SVEP1: variants seen among roughly 807,000 people sequenced by gnomAD.
The protein encoded by SVEP1 is sushi, von Willebrand factor type A, EGF and pentraxin domain-containing protein 1.
In SVEP1, 164 loss-of-function variants were observed where a neutral mutation model predicts 367.3. That is an observed-to-expected ratio of 0.45 (90% CI 0.39 to 0.51). SVEP1 has a LOEUF of 0.51. SVEP1 is among the 20% of genes least tolerant of loss of function. The pLI, the probability that SVEP1 is intolerant of heterozygous loss-of-function variation, is 0.00. For missense variants in SVEP1, 4,117 were observed against 4,425.3 expected (o/e 0.93, Z 1.98); for synonymous variants, 1,666 against 1,611.6 (o/e 1.03, Z -0.81).
chr9:110,378,295 A>ACAT (rs1827383320), intron 44 of SVEP1, among the ~76,000 whole-genome samples: 1 of 152,166 alleles, frequency 6.6e-6, no homozygotes, highest in African/African-American at 2.4e-5. Context: ...ACATTCTCTT[A>ACAT]CATCCCATGT....
chr9:110,377,418 A>T (rs1827365491), intron 44 of SVEP1, 52 bp from the exon 45 acceptor site: 1 of 1,553,016 alleles, frequency 6.4e-7, no homozygotes, highest in African/African-American at 1.4e-5. Flanking sequence ...GAAGGGAAGG[A>T]GTCAGAAAAT....
At chr9:110,385,854 A>G in intron 43 of SVEP1, 44 bp downstream of exon 43, 1 of 1,581,604 alleles carries the variant, frequency 6.3e-7, no homozygotes. Context: ...ATGGGAAAAC[A>G]TTTCGCACTA....
intron 39 of SVEP1, 122 bp from the exon 40 acceptor site, chr9:110,401,131 T>G: frequency 1.7e-6 from 2 of 1,211,986 alleles, no homozygotes; most frequent in South Asian, 2.9e-5. Flanking sequence ...GCACCCAGGG[T>G]TTGGTCCTAC....
intron 41 of SVEP1, 46 bp downstream of exon 41, chr9:110,389,478 T>C: frequency 1.3e-6 from 2 of 1,598,056 alleles, no homozygotes; most frequent in Non-Finnish European, 1.7e-6. Flanking sequence ...TGTTATTTTG[T>C]GTCCTCAGTG....
At chr9:110,549,717 A>T in intron 2 of SVEP1, 132 bp downstream of exon 2, 1 of 1,152,584 alleles carries the variant, frequency 8.7e-7, no homozygotes, top group East Asian at 2.6e-5. Flanking sequence ...TGATGCCCAA[A>T]GGACACATGG....
At chr9:110,389,612 T>G (rs1178896432) in intron 40 of SVEP1, 25 bp from the exon 41 acceptor site, 10 of 1,612,496 alleles carry the variant, frequency 6.2e-6, no homozygotes, top group African/African-American at 1.3e-5. Flanking sequence ...AGAAAGGTCA[T>G]CAAGATCATA....
In SVEP1 at chr9:110,497,058, T is replaced by G. The variant is rs1313002677; in HGVS notation, c.1682-125A>C. 15 of 603,902 alleles carry G rather than the reference T, an allele frequency of 2.5e-5. 1 individual carries two copies. In the South Asian group the frequency reaches 3.8e-4, roughly 15 times the overall value. 37.4% of individuals were successfully genotyped at this position (603,902 alleles called of 1,614,324 possible). On this transcript the variant is annotated intron_variant, in intron 7 of 47. Coordinates refer to ENST00000374469, the MANE Select transcript of SVEP1 (RefSeq NM_153366.4). Reference sequence around the variant, plus strand: ...ACATTTGTACATCCCAGTTACTGATTGTTCGGAATCTGCACCCACCTGCTT... The same window carrying G: ...ACATTTGTACATCCCAGTTACTGATGGTTCGGAATCTGCACCCACCTGCTT...
At chr9:110,416,565 A>G (rs1051315703) in intron 36 of SVEP1, among the ~76,000 whole-genome samples, 7 of 152,006 alleles carry the variant, frequency 4.6e-5, no homozygotes, top group African/African-American at 1.7e-4. Flanking sequence ...ATAAAGATAT[A>G]AAAGAGAAAG....
chr9:110,461,181 C>T (rs1021338395), intron 18 of SVEP1, among the ~76,000 whole-genome samples: 2 of 152,096 alleles, frequency 1.3e-5, no homozygotes, highest in Non-Finnish European at 2.9e-5. Context: ...AAACATAAAA[C>T]AAGCTCGGGT....
chr9:110,403,640 TA>T (rs370083824), intron 39 of SVEP1, among the ~76,000 whole-genome samples: 5 of 151,556 alleles, frequency 3.3e-5, no homozygotes, highest in South Asian at 2.1e-4. Context: ...CAAAATTAGG[TA>T]AAAAAAATGT....
At chr9:110,498,644 T>C (rs1189939980) in intron 7 of SVEP1, among the ~76,000 whole-genome samples, 3 of 152,230 alleles carry the variant, frequency 2.0e-5, no homozygotes, top group African/African-American at 7.2e-5. Flanking sequence ...CGGTCTGCTC[T>C]TGTTGCAGAG....
intron 30 of SVEP1, among the ~76,000 whole-genome samples, chr9:110,432,991 G>A (rs1828374898): frequency 6.6e-6 from 1 of 152,152 alleles, no homozygotes; most frequent in Non-Finnish European, 1.5e-5. Context: ...GCTTGGTGCT[G>A]TCCTTGCAAT....
chr9:110,465,935 C>A lies in SVEP1; in HGVS notation c.3252G>T (p.Arg1084=), dbSNP rs965992669. 1.9e-6 allele frequency: 3 copies of A among 1,612,900 alleles called. No individual in the cohort carries two copies. The highest frequency in any genetic ancestry group is 2.5e-6 in the Non-Finnish European group (3 of 1,179,424). ...LGTYQPKFGS[R]SCLSCPENTS... is the part of the protein sequence containing the mutation. Reference sequence around the variant, plus strand: ...TGTTTTCTGGACACGAGAGGCAGCTCCGGGAACCAAATTTTGGCTGATAAG... The same window carrying A: ...TGTTTTCTGGACACGAGAGGCAGCTACGGGAACCAAATTTTGGCTGATAAG... Residue 1084 remains arginine (R), a synonymous_variant, in exon 18 of 48, where the codon CGG becomes CGT. Coordinates refer to ENST00000374469, the MANE Select transcript of SVEP1 (RefSeq NM_153366.4).
chr9:110,404,578 G>T, intron 38 of SVEP1, 26 bp from the exon 39 acceptor site: 1 of 1,598,546 alleles, frequency 6.3e-7, no homozygotes. Context: ...AAAAATGAGT[G>T]CCTTAAATGA....
chr9:110,370,773 A>T (rs966916870), intron 46 of SVEP1, among the ~76,000 whole-genome samples: 2 of 152,206 alleles, frequency 1.3e-5, no homozygotes, highest in African/African-American at 4.8e-5. Context: ...ATTTTTAGCA[A>T]GTGTAACATA....
chr9:110,413,592 C>A lies in SVEP1; in HGVS notation c.5976-1857G>T, dbSNP rs1249173719. Reference sequence around the variant, plus strand: ...GTCTTCTGCATATGGCTCTGCTATTCAATCAGTATGAATAAATTTTTCTTA... The same window carrying A: ...GTCTTCTGCATATGGCTCTGCTATTAAATCAGTATGAATAAATTTTTCTTA... On this transcript the variant is annotated intron_variant, in intron 36 of 47. Transcript: ENST00000374469. Among the ~76,000 whole-genome samples, 6 of 151,888 alleles carry A rather than the reference C, an allele frequency of 4.0e-5. 1 individual carries two copies. Among genetic ancestry groups the A allele is most frequent in the African/African-American group, 1.5e-4 (6 of 41,218 alleles).
intron 38 of SVEP1, among the ~76,000 whole-genome samples, chr9:110,405,917 C>T (rs972185161): frequency 6.6e-6 from 1 of 152,156 alleles, no homozygotes; most frequent in African/African-American, 2.4e-5. Context: ...CGAAGCTCAA[C>T]AGAATATGAT....
At position 110,512,962 on chromosome 9, in the gene SVEP1, T is replaced by C. The variant is rs756822285; in HGVS notation, c.1267A>G (p.Asn423Asp). 1 of 1,613,936 alleles carries C rather than the reference T, an allele frequency of 6.2e-7. No individual in the cohort carries two copies. The highest frequency in any genetic ancestry group is 8.5e-7 in the Non-Finnish European group (1 of 1,179,878). The change falls in exon 5 of 48, where the codon AAT becomes GAT. Residue 423 changes from asparagine to aspartate, a missense_variant. Coordinates refer to ENST00000374469, the MANE Select transcript of SVEP1 (RefSeq NM_153366.4). ...CTCTCTGAACCGGACCACAAACCAT[T>C]GGGTAGACATAAGATGATGCTGCTT... ...VGSSIILCLP[N>D]GLWSGSESYC... is the part of the protein sequence containing the mutation.
At position 110,548,360 on chromosome 9, in the gene SVEP1, TAATA is replaced by T. The variant is rs372359089; in HGVS notation, c.787+1485_787+1488del. 4.5e-3 allele frequency among the ~76,000 whole-genome samples: 691 copies of T among 152,282 alleles called. 4 individuals are homozygous for T. The highest frequency in any genetic ancestry group is 0.015 in the African/African-American group (641 of 41,564). ...TTAATAATGATAATTTGTTAATAAATAATAAATATCAGTAATAGTAGACAGTTAT... is the reference window on the plus strand; with the variant it reads ...TTAATAATGATAATTTGTTAATAAATAATATCAGTAATAGTAGACAGTTAT... On this transcript the variant is annotated intron_variant, in intron 2 of 47. Transcript: ENST00000374469.
Sources: allele counts gnomAD v4.1 joint callset (sites outside exome capture counted in the v4.1 genomes callset), GRCh38; gene constraint gnomAD v4.1.1; transcripts MANE v1.5; gene names NCBI Gene and HGNC (gene_info 2026-07-23, HGNC 2026-07-21).